The following XKR9 variants were observed in gnomAD, a reference collection of about 807,000 sequenced individuals.
The protein encoded by XKR9 is XK related 9, also known as XK-related protein 9.
A neutral mutation model predicts 32.0 loss-of-function variants in XKR9; 32 were observed. The observed-to-expected ratio is 1.00, with a 90% CI of 0.76 to 1.34. The LOEUF (loss-of-function observed/expected upper bound fraction) is 1.34. XKR9 is among the 40% of genes most tolerant of loss of function. XKR9 has a pLI of 0.00. For missense variants in XKR9, 546 were observed against 429.7 expected (o/e 1.27, Z -2.39); for synonymous variants, 168 against 143.4 (o/e 1.17, Z -1.22).
chr8:70,926,640 C>G, the XKR9 span, among the ~76,000 whole-genome samples: 1 of 152,294 alleles, frequency 6.6e-6, no homozygotes, highest in South Asian at 2.1e-4. Context: ...TTCAACCAAT[C>G]TTAATTTTTA....
chr8:70,761,842 T>G (rs1425244309), intron 2 of XKR9, among the ~76,000 whole-genome samples: 1 of 152,208 alleles, frequency 6.6e-6, no homozygotes, highest in Non-Finnish European at 1.5e-5. Flanking sequence ...TACATGTAAG[T>G]CTTTAATCCA....
At position 70,677,347 on chromosome 8, in the gene XKR9, C is replaced by T. The variant is rs956038544; in HGVS notation, c.-279+2448C>T. On this transcript the variant is annotated intron_variant, in intron 2 of 4. Transcript: ENST00000408926. ...TTTTTTTGTAGAGGTGGGGTTTCAC[C>T]ATGTTGCCCAGGCTGGTCTTGAACT... Among the ~76,000 whole-genome samples, 3 of 152,052 alleles carry T rather than the reference C, an allele frequency of 2.0e-5. No homozygotes were observed. The East Asian group carries it at 5.8e-4, about 29-fold the overall frequency.
At chr8:71,056,926 A>G in the XKR9 span, among the ~76,000 whole-genome samples, 1 of 152,200 alleles carries the variant, frequency 6.6e-6, no homozygotes. Flanking sequence ...TCCTTAAATG[A>G]GAATCTTACT....
At chr8:70,962,464 G>T in the XKR9 span, among the ~76,000 whole-genome samples, 1 of 152,128 alleles carries the variant, frequency 6.6e-6, no homozygotes, top group African/African-American at 2.4e-5. Context: ...TGCGGTATTT[G>T]GTTTTCTGTT....
chr8:70,875,513 AT>A, the XKR9 span, among the ~76,000 whole-genome samples: 10 of 152,222 alleles, frequency 6.6e-5, no homozygotes, highest in South Asian at 1.2e-3. Context: ...GTTAGAAATC[AT>A]TTTTTTATTT....
At chr8:70,884,458 A>G in the XKR9 span, among the ~76,000 whole-genome samples, 4 of 152,230 alleles carry the variant, frequency 2.6e-5, no homozygotes, top group South Asian at 2.1e-4. Context: ...CTATCCCAAC[A>G]TTACTTAGAT....
At chr8:71,043,290 G>A in the XKR9 span, among the ~76,000 whole-genome samples, 1 of 152,156 alleles carries the variant, frequency 6.6e-6, no homozygotes, top group Non-Finnish European at 1.5e-5. Context: ...AAGAATCCAA[G>A]GTTTATCAGT....
At chr8:70,942,617 T>C in the XKR9 span, among the ~76,000 whole-genome samples, 1 of 152,178 alleles carries the variant, frequency 6.6e-6, no homozygotes. Context: ...GCATTGGACA[T>C]ACATGGTCTT....
the XKR9 span, among the ~76,000 whole-genome samples, chr8:70,817,323 C>T: frequency 5.9e-5 from 9 of 152,000 alleles, no homozygotes; most frequent in Non-Finnish European, 1.5e-5. Context: ...CATTTCTGTG[C>T]ACCAATAATG....
intron 3 of XKR9, among the ~76,000 whole-genome samples, chr8:70,704,279 T>TC (rs1805643338): frequency 1.3e-5 from 2 of 152,168 alleles, no homozygotes; most frequent in Admixed American, 6.5e-5. Flanking sequence ...TATTCCTTTT[T>TC]CCATGAAATT....
the XKR9 span, among the ~76,000 whole-genome samples, chr8:70,942,496 T>TG: frequency 6.6e-6 from 1 of 152,088 alleles, no homozygotes; most frequent in South Asian, 2.1e-4. Context: ...TTGGGTGAAT[T>TG]GGGGAAAATC....
the XKR9 span, among the ~76,000 whole-genome samples, chr8:70,950,004 C>T: frequency 6.6e-6 from 1 of 152,182 alleles, no homozygotes; most frequent in Non-Finnish European, 1.5e-5. Context: ...CTCCCTTGCT[C>T]ATTCTTCCCT....
chr8:70,735,732 C>T lies in XKR9; in HGVS notation c.*1308C>T, dbSNP rs1297486850. The T allele has an allele frequency of 4.2e-4, 63 of 150,348 alleles. 1 individual carries two copies. The highest frequency in any genetic ancestry group is 3.5e-3 in the Admixed American group (52 of 15,060). 9.3% of individuals were successfully genotyped at this position (150,348 alleles called of 1,614,324 possible). On this transcript the variant is annotated 3_prime_UTR_variant, in exon 5 of 5. Coordinates refer to ENST00000408926, the MANE Select transcript of XKR9 (RefSeq NM_001011720.2). ...TGCAGTGTTTGGTTTTTTGTTCTTG[C>T]GATAGTTTACTGAGAATGATGATTT...
chr8:70,754,955 C>T (rs1228567018), intron 2 of XKR9, among the ~76,000 whole-genome samples: 5 of 151,288 alleles, frequency 3.3e-5, no homozygotes, highest in East Asian at 2.0e-4. Context: ...GCAAAAGAAA[C>T]TACCATCAGA....
At chr8:70,805,199 C>T in the XKR9 span, among the ~76,000 whole-genome samples, 5 of 152,304 alleles carry the variant, frequency 3.3e-5, no homozygotes, top group East Asian at 9.6e-4. Context: ...TCTCCACCCC[C>T]CAGCCAAGGG....
At chr8:70,746,624 AGACTG>A (rs1472713515) in intron 2 of XKR9, among the ~76,000 whole-genome samples, 6 of 151,972 alleles carry the variant, frequency 3.9e-5, no homozygotes, top group African/African-American at 1.2e-4. Context: ...CTTTTTGCCT[AGACTG>A]GTACAGAACT....
At chr8:70,875,987 T>G in the XKR9 span, among the ~76,000 whole-genome samples, 37 of 152,152 alleles carry the variant, frequency 2.4e-4, no homozygotes, top group African/African-American at 8.7e-4. Context: ...CATAAACACA[T>G]AAGCATATTT....
At chr8:70,695,557 T>G (rs1398364187) in intron 3 of XKR9, among the ~76,000 whole-genome samples, 2 of 151,988 alleles carry the variant, frequency 1.3e-5, no homozygotes, top group East Asian at 3.9e-4. Flanking sequence ...TGTGCCACAT[T>G]TTCTTAATCC....
chr8:70,954,139 GT>G, the XKR9 span, among the ~76,000 whole-genome samples: 5 of 149,558 alleles, frequency 3.3e-5, no homozygotes, highest in South Asian at 2.1e-4. Flanking sequence ...TAAGGTTGGT[GT>G]TTTTTTTTTC....
Sources: gnomAD v4.1 joint callset for allele counts (sites outside exome capture counted in the v4.1 genomes callset) on GRCh38, gnomAD v4.1.1 for gene constraint, MANE v1.5 for transcripts, NCBI Gene and HGNC (gene_info 2026-07-23, HGNC 2026-07-21) for gene names.